Variants in PPP1R16B observed in about 807,000 individuals in gnomAD.
The protein encoded by PPP1R16B is protein phosphatase 1 regulatory inhibitor subunit 16B.
PPP1R16B carries 14 observed loss-of-function variants against 61.7 expected under a neutral mutation model. The ratio of observed to expected loss-of-function variants is 0.23; its 90% CI spans 0.15 to 0.35. PPP1R16B has a LOEUF of 0.35. PPP1R16B is among the 10% of genes least tolerant of loss of function. The pLI is 1.00. For missense variants in PPP1R16B, 547 were observed against 752.5 expected (o/e 0.73, Z 3.19); for synonymous variants, 266 against 305.3 (o/e 0.87, Z 1.34).
chr20:38,906,142 C>T (rs1202268558), intron 7 of PPP1R16B, 48 bp downstream of exon 7: 2 of 1,570,464 alleles, frequency 1.3e-6, no homozygotes, highest in Non-Finnish European at 1.7e-6. Flanking sequence ...CAGGGCTAAC[C>T]TGCTGACACC....
intron 1 of PPP1R16B, among the ~76,000 whole-genome samples, chr20:38,815,832 T>G (rs2084731828): frequency 6.6e-6 from 1 of 152,200 alleles, no homozygotes; most frequent in Non-Finnish European, 1.5e-5. Context: ...GATACAAAAT[T>G]AAATGAAACC....
intron 2 of PPP1R16B, among the ~76,000 whole-genome samples, chr20:38,877,230 TTGTC>T (rs1371516933): frequency 1.3e-5 from 2 of 152,202 alleles, no homozygotes; most frequent in African/African-American, 4.8e-5. Flanking sequence ...TCGTAAATCT[TTGTC>T]TGCCCTCTGA....
At chr20:38,877,921 G>A (rs2085178918) in intron 2 of PPP1R16B, among the ~76,000 whole-genome samples, 1 of 131,664 alleles carries the variant, frequency 7.6e-6, no homozygotes, top group Non-Finnish European at 1.6e-5. Context: ...TATTTTGTTT[G>A]GAATATATCT....
chr20:38,836,412 C>A (rs1446300747), intron 2 of PPP1R16B, among the ~76,000 whole-genome samples: 4 of 152,136 alleles, frequency 2.6e-5, no homozygotes, highest in African/African-American at 9.7e-5. Flanking sequence ...AGTATAGTGG[C>A]GCGATCTCAG....
intron 2 of PPP1R16B, among the ~76,000 whole-genome samples, chr20:38,851,166 T>TA (rs879358972): frequency 7.1e-4 from 98 of 137,248 alleles, no homozygotes; most frequent in Admixed American, 9.5e-4. Flanking sequence ...AAAAAACAAT[T>TA]AAAAAAAAAA....
At chr20:38,848,170 CT>C (rs2084946922) in intron 2 of PPP1R16B, among the ~76,000 whole-genome samples, 2 of 152,162 alleles carry the variant, frequency 1.3e-5, no homozygotes, top group African/African-American at 4.8e-5. Context: ...TATAGAAATA[CT>C]TTATGGGCTC....
At chr20:38,916,280 C>CAT (rs72250245) in intron 10 of PPP1R16B, among the ~76,000 whole-genome samples, 116 of 145,608 alleles carry the variant, frequency 8.0e-4, no homozygotes, top group African/African-American at 2.6e-3. Flanking sequence ...CACATATTAC[C>CAT]ATATATATAT....
At chr20:38,916,751 A>G (rs911017832) in intron 10 of PPP1R16B, among the ~76,000 whole-genome samples, 5 of 152,206 alleles carry the variant, frequency 3.3e-5, no homozygotes, top group Non-Finnish European at 5.9e-5. Flanking sequence ...AAAACTGTCC[A>G]TCAAAGAGAC....
intron 10 of PPP1R16B, among the ~76,000 whole-genome samples, chr20:38,911,447 T>A (rs1015452054): frequency 2.0e-5 from 3 of 152,028 alleles, no homozygotes; most frequent in Non-Finnish European, 4.4e-5. Context: ...ATTACAGGCG[T>A]GAGCCACCAC....
intron 1 of PPP1R16B, among the ~76,000 whole-genome samples, chr20:38,818,803 C>T (rs1377712276): frequency 6.6e-6 from 1 of 151,168 alleles, no homozygotes; most frequent in East Asian, 1.9e-4. Context: ...CTCTGTTGCC[C>T]AGGCTAGAGT....
intron 2 of PPP1R16B, among the ~76,000 whole-genome samples, chr20:38,860,889 A>G (rs139528986): frequency 2.6e-5 from 4 of 152,132 alleles, no homozygotes; most frequent in African/African-American, 9.7e-5. Flanking sequence ...AGGGTCTTCC[A>G]TGCTAACTTG....
intron 4 of PPP1R16B, among the ~76,000 whole-genome samples, chr20:38,895,924 C>CCCTCCTTCCTTCTTTCTCTCCTCTCTT (rs2085336781): frequency 1.8e-5 from 1 of 55,630 alleles, no homozygotes; most frequent in Non-Finnish European, 3.3e-5. Flanking sequence ...TTCCCTCCCT[C>CCCTCCTTCCTTCTTTCTCTCCTCTCTT]CCTCCTTCCT....
intron 10 of PPP1R16B, among the ~76,000 whole-genome samples, chr20:38,909,321 C>T (rs1233158157): frequency 3.3e-5 from 5 of 152,184 alleles, no homozygotes; most frequent in Admixed American, 2.0e-4. Context: ...CTTATGAGGA[C>T]ACCAGTCATT....
At chr20:38,814,191 A>G (rs1483637698) in intron 1 of PPP1R16B, among the ~76,000 whole-genome samples, 3 of 152,202 alleles carry the variant, frequency 2.0e-5, no homozygotes, top group Admixed American at 6.5e-5. Context: ...CAGTAAATGG[A>G]AAAGTCAGGA....
chr20:38,808,774 C>A (rs1256162202), intron 1 of PPP1R16B, among the ~76,000 whole-genome samples: 1 of 152,080 alleles, frequency 6.6e-6, no homozygotes, highest in African/African-American at 2.4e-5. Context: ...TGGCTCACAC[C>A]TGTAATCCCA....
Position 38,907,492 on chromosome 20 carries a change from T to G in PPP1R16B, c.899-314T>G, listed in dbSNP as rs2085453903. ...TTATTAGCATCTTTGCATAATTTAT[T>G]GCTTGGGCTATGTGGGGTACCTGCT... On this transcript the variant is annotated intron_variant, in intron 8 of 10. Coordinates refer to ENST00000299824, the MANE Select transcript of PPP1R16B (RefSeq NM_015568.4). This position sits in a 1 kb window ranked among gnomAD's most constrained non-coding sequence, Gnocchi z 4.5. 6.6e-6 allele frequency among the ~76,000 whole-genome samples: 1 copy of G among 152,210 alleles called. No homozygotes were observed. Among genetic ancestry groups the G allele is most frequent in the Non-Finnish European group, 1.5e-5 (1 of 68,030 alleles).
intron 2 of PPP1R16B, among the ~76,000 whole-genome samples, chr20:38,884,193 G>A (rs929593894): frequency 2.0e-5 from 3 of 152,262 alleles, no homozygotes; most frequent in Admixed American, 2.0e-4. Flanking sequence ...AGCCGGGAGA[G>A]GTAGGGAGAC....
chr20:38,825,037 A>G (rs1176710367), intron 1 of PPP1R16B, among the ~76,000 whole-genome samples: 2 of 152,248 alleles, frequency 1.3e-5, no homozygotes, highest in African/African-American at 4.8e-5. Context: ...GGCTAAGAAT[A>G]TCCCTGGCTA....
chr20:38,872,404 G>C (rs987503269), intron 2 of PPP1R16B, among the ~76,000 whole-genome samples: 28 of 152,226 alleles, frequency 1.8e-4, no homozygotes, highest in African/African-American at 6.8e-4. Flanking sequence ...TGCGGAGCGG[G>C]AAAGGAGGGA....
Sources: allele counts gnomAD v4.1 joint callset (sites outside exome capture counted in the v4.1 genomes callset), GRCh38; gene constraint gnomAD v4.1.1; non-coding constraint Gnocchi (gnomAD v3.1); transcripts MANE v1.5; gene names NCBI Gene and HGNC (gene_info 2026-07-23, HGNC 2026-07-21).